CDH13: variants seen among roughly 807,000 people sequenced by gnomAD.
CDH13 encodes cadherin-13.
A neutral mutation model predicts 63.8 loss-of-function variants in CDH13; 24 were observed. That is an observed-to-expected ratio of 0.38 (90% CI 0.27 to 0.53). CDH13 has a LOEUF of 0.53. CDH13 is among the 20% of genes least tolerant of loss of function. CDH13 has a pLI of 0.85. For synonymous variants in CDH13, 503 were observed against 355.3 expected (o/e 1.42, Z -4.67); for missense variants, 1,049 against 903.1 (o/e 1.16, Z -2.07).
chr16:83,400,200 C>A (rs1307978444), intron 6 of CDH13, among the ~76,000 whole-genome samples: 1 of 151,864 alleles, frequency 6.6e-6, no homozygotes, highest in African/African-American at 2.4e-5. Flanking sequence ...TCCTTGATGG[C>A]CACGAAAGGG....
At chr16:83,255,229 G>A (rs959940884) in intron 5 of CDH13, among the ~76,000 whole-genome samples, 2 of 152,166 alleles carry the variant, frequency 1.3e-5, no homozygotes. Flanking sequence ...AACTTCTCCA[G>A]CATGGACTAT....
chr16:83,481,308 C>A (rs1359272494), intron 6 of CDH13, among the ~76,000 whole-genome samples: 1 of 152,162 alleles, frequency 6.6e-6, no homozygotes, highest in East Asian at 1.9e-4. Flanking sequence ...ACTTTTTGAT[C>A]AGGCAAAGGA....
chr16:82,761,241 C>A (rs1304168276), intron 1 of CDH13, among the ~76,000 whole-genome samples: 5 of 151,856 alleles, frequency 3.3e-5, no homozygotes, highest in African/African-American at 1.2e-4. Flanking sequence ...TGGTCTTGAA[C>A]TCCTGACCTC....
intron 2 of CDH13, among the ~76,000 whole-genome samples, chr16:83,018,683 A>G (rs1915048010): frequency 6.6e-6 from 1 of 152,240 alleles, no homozygotes; most frequent in East Asian, 1.9e-4. Context: ...TTGTTGGAAC[A>G]TCACAGAGTA....
intron 2 of CDH13, among the ~76,000 whole-genome samples, chr16:82,902,186 A>C (rs549980505): frequency 6.6e-6 from 1 of 152,142 alleles, no homozygotes; most frequent in Non-Finnish European, 1.5e-5. Context: ...AGAGACTGCC[A>C]TTTTTCATGA....
chr16:82,673,610 C>A (rs1913552358), intron 1 of CDH13, among the ~76,000 whole-genome samples: 1 of 152,190 alleles, frequency 6.6e-6, no homozygotes, highest in South Asian at 2.1e-4. Context: ...AATGCAACAG[C>A]ACAACAAAAA....
intron 1 of CDH13, among the ~76,000 whole-genome samples, chr16:82,636,877 A>G (rs901837841): frequency 2.0e-5 from 3 of 152,184 alleles, no homozygotes; most frequent in Non-Finnish European, 4.4e-5. Context: ...AAAACTTAAC[A>G]AGGGGCTCTT....
intron 4 of CDH13, among the ~76,000 whole-genome samples, chr16:83,214,613 C>G (rs1228029467): frequency 7.9e-6 from 1 of 126,558 alleles, no homozygotes; most frequent in Non-Finnish European, 1.7e-5. Flanking sequence ...GAGGAAACCA[C>G]CTATTCCCTC....
intron 1 of CDH13, among the ~76,000 whole-genome samples, chr16:82,696,975 G>A (rs1370208770): frequency 6.6e-6 from 1 of 152,104 alleles, no homozygotes; most frequent in East Asian, 1.9e-4. Flanking sequence ...GGACTCTTAA[G>A]GTATTTACAC....
At chr16:83,332,779 T>C (rs4782771) in intron 5 of CDH13, among the ~76,000 whole-genome samples, 87,020 of 152,020 alleles carry the variant, frequency 0.57, 24,964 homozygotes, top group Middle Eastern at 0.65. Context: ...AAAATTATTT[T>C]GAATATCTGC....
intron 6 of CDH13, among the ~76,000 whole-genome samples, chr16:83,377,000 A>T (rs147074003): frequency 4.1e-4 from 63 of 152,278 alleles, no homozygotes; most frequent in Non-Finnish European, 6.8e-4. Context: ...GACATACTGT[A>T]TGAACAGAGA....
intron 1 of CDH13, chr16:82,824,357 T>C (rs2050721705): frequency 1.3e-5 from 2 of 152,074 alleles, no homozygotes; most frequent in African/African-American, 4.8e-5. Context: ...CAGAATTCCT[T>C]GTAGAAATAA....
intron 7 of CDH13, among the ~76,000 whole-genome samples, chr16:83,571,093 T>C (rs947691050): frequency 1.3e-5 from 2 of 151,516 alleles, no homozygotes; most frequent in East Asian, 3.9e-4. Context: ...ACAGACCCCG[T>C]TGACATGCAC....
At chr16:83,277,863 T>A (rs796125794) in intron 5 of CDH13, among the ~76,000 whole-genome samples, 44 of 152,292 alleles carry the variant, frequency 2.9e-4, no homozygotes, top group African/African-American at 1.0e-3. Flanking sequence ...ATATAAAGGA[T>A]CCTGAAACCA....
chr16:83,108,003 A>G (rs1314897731), intron 3 of CDH13, among the ~76,000 whole-genome samples: 1 of 151,886 alleles, frequency 6.6e-6, no homozygotes, highest in Non-Finnish European at 1.5e-5. Context: ...TTGTATTTTT[A>G]GTAGAGACGG....
chr16:83,178,863 A>C (rs1445867260), intron 4 of CDH13, among the ~76,000 whole-genome samples: 1 of 152,034 alleles, frequency 6.6e-6, no homozygotes, highest in Non-Finnish European at 1.5e-5. Context: ...GAATCCTCCC[A>C]GTGTTTGGTT....
At chr16:83,188,212 C>G (rs570818412) in intron 4 of CDH13, among the ~76,000 whole-genome samples, 1 of 152,126 alleles carries the variant, frequency 6.6e-6, no homozygotes, top group African/African-American at 2.4e-5. Context: ...CTCTGGCTGA[C>G]GGATGGAGAA....
At chr16:82,691,839 CA>C (rs1474743429) in intron 1 of CDH13, among the ~76,000 whole-genome samples, 1 of 152,072 alleles carries the variant, frequency 6.6e-6, no homozygotes, top group East Asian at 1.9e-4. Context: ...GGACTAGCAG[CA>C]GCAATATCAC....
rs558843514 is a variant in CDH13 at position 82,881,342 on chromosome 16, C to G, written c.157+22869C>G. 5.1e-4 allele frequency among the ~76,000 whole-genome samples: 78 copies of G among 152,130 alleles called. 1 individual carries two copies. Among genetic ancestry groups the G allele is most frequent in the African/African-American group, 1.7e-3 (72 of 41,498 alleles). On this transcript the variant is annotated intron_variant, in intron 2 of 13. Coordinates refer to ENST00000567109, the MANE Select transcript of CDH13 (RefSeq NM_001257.5). ...TATTAGGGAGTATTCTGGGGGTCAT[C>G]TGCTGTGGGAGGGAGGGGAAGAAAG...
Sources: allele counts gnomAD v4.1 joint callset (sites outside exome capture counted in the v4.1 genomes callset), GRCh38; gene constraint gnomAD v4.1.1; transcripts MANE v1.5; gene names NCBI Gene and HGNC (gene_info 2026-07-23, HGNC 2026-07-21).